The following HTR1F variants were observed in gnomAD, a reference collection of about 807,000 sequenced individuals.
The protein encoded by HTR1F is 5-hydroxytryptamine (serotonin) receptor 1F, G protein-coupled.
Under a neutral mutation model 24.0 loss-of-function variants are expected in HTR1F, and 17 were observed. The observed-to-expected ratio is 0.71, with a 90% CI of 0.48 to 1.06. HTR1F has a LOEUF of 1.06. HTR1F is among the 50% of genes least tolerant of loss of function. HTR1F has a pLI of 0.00. For synonymous variants in HTR1F, 186 were observed against 156.8 expected, an observed-to-expected ratio of 1.19 and a Z score of -1.39; for missense variants, 391 against 427.8, an observed-to-expected ratio of 0.91 and a Z score of 0.76.
intron 2 of HTR1F, among the ~76,000 whole-genome samples, chr3:87,852,339 T>A (rs920682877): frequency 1.9e-4 from 29 of 151,826 alleles, no homozygotes; most frequent in African/African-American, 7.0e-4. Flanking sequence ...TGTTCCTGTT[T>A]TAGAAAATCT....
At chr3:87,838,478 A>G (rs1462363190) in intron 2 of HTR1F, among the ~76,000 whole-genome samples, 9 of 152,084 alleles carry the variant, frequency 5.9e-5, no homozygotes, top group African/African-American at 1.9e-4. Flanking sequence ...AGCTACATGA[A>G]TCGAATAATA....
At chr3:87,934,055 G>T (rs751823390) in intron 2 of HTR1F, among the ~76,000 whole-genome samples, 2 of 152,080 alleles carry the variant, frequency 1.3e-5, no homozygotes, top group Non-Finnish European at 2.9e-5. Context: ...TATCTGGTTC[G>T]TCTTTGGCCC....
intron 2 of HTR1F, among the ~76,000 whole-genome samples, chr3:87,832,518 G>A (rs1704604014): frequency 6.6e-6 from 1 of 151,974 alleles, no homozygotes; most frequent in Admixed American, 6.6e-5. Context: ...AGTAGAGACG[G>A]GGTTTCACCC....
At chr3:87,919,668 A>G (rs1176184342) in intron 2 of HTR1F, among the ~76,000 whole-genome samples, 1 of 152,124 alleles carries the variant, frequency 6.6e-6, no homozygotes, top group Non-Finnish European at 1.5e-5. Flanking sequence ...CCACGATATG[A>G]TACCACCTTA....
intron 2 of HTR1F, among the ~76,000 whole-genome samples, chr3:87,940,463 G>C (rs368658124): frequency 6.6e-6 from 1 of 152,130 alleles, no homozygotes; most frequent in Non-Finnish European, 1.5e-5. Flanking sequence ...GGACCTCTTC[G>C]AAGAGAACCA....
At chr3:87,918,102 C>T (rs1474482138) in intron 2 of HTR1F, among the ~76,000 whole-genome samples, 1 of 151,544 alleles carries the variant, frequency 6.6e-6, no homozygotes, top group Non-Finnish European at 1.5e-5. Flanking sequence ...ACATAAACAG[C>T]ATTAAAAACA....
chr3:87,931,706 A>C (rs1704277319), intron 2 of HTR1F, among the ~76,000 whole-genome samples: 1 of 151,940 alleles, frequency 6.6e-6, no homozygotes, highest in South Asian at 2.1e-4. Flanking sequence ...CCTCTCCAGC[A>C]GCTGTTGTTT....
intron 2 of HTR1F, among the ~76,000 whole-genome samples, chr3:87,928,047 C>CTT (rs5850817): frequency 3.8e-5 from 5 of 131,396 alleles, no homozygotes; most frequent in South Asian, 2.4e-4. Flanking sequence ...AATATCTTTG[C>CTT]TTTTTTTTTT....
At position 87,944,333 on chromosome 3, in the gene HTR1F, G is replaced by C. The variant is rs1463322933; in HGVS notation, c.-42-46375G>C. Among the ~76,000 whole-genome samples, 13 of 152,240 alleles carry C rather than the reference G, an allele frequency of 8.5e-5. 1 individual carries two copies. The highest frequency in any genetic ancestry group is 1.9e-4 in the Non-Finnish European group (13 of 68,044). ...AGGTAACCTTTTGAGTCAGGATTGA[G>C]ATAGTCTTTTTTGATTCTGTAAGTA... On this transcript the variant is annotated intron_variant, in intron 2 of 2. Transcript: ENST00000319595.
intron 2 of HTR1F, among the ~76,000 whole-genome samples, chr3:87,878,207 A>C (rs1461386249): frequency 2.0e-5 from 3 of 152,196 alleles, no homozygotes; most frequent in Non-Finnish European, 4.4e-5. Context: ...CAGCTGAAAC[A>C]CATAAGGTGT....
intron 2 of HTR1F, among the ~76,000 whole-genome samples, chr3:87,969,131 C>T (rs1450980259): frequency 6.6e-6 from 1 of 152,208 alleles, no homozygotes; most frequent in African/African-American, 2.4e-5. Context: ...GGAATGAAGC[C>T]CTCATGAAGA....
intron 2 of HTR1F, among the ~76,000 whole-genome samples, chr3:87,849,521 G>T (rs888546533): frequency 6.6e-6 from 1 of 151,816 alleles, no homozygotes; most frequent in Non-Finnish European, 1.5e-5. Context: ...GAAAATCTAG[G>T]CAATACCATT....
At chr3:87,963,421 GCCTAAACATGAAGAA>G (rs1474763785) in intron 2 of HTR1F, among the ~76,000 whole-genome samples, 2 of 152,012 alleles carry the variant, frequency 1.3e-5, no homozygotes, top group African/African-American at 2.4e-5. Flanking sequence ...GTGCCTAATT[GCCTAAACATGAAGAA>G]CTTTTAAAAC....
intron 2 of HTR1F, among the ~76,000 whole-genome samples, chr3:87,929,628 C>T (rs1704212753): frequency 6.6e-6 from 1 of 152,070 alleles, no homozygotes. Context: ...AGACCTATTT[C>T]TGGGCTCTCT....
At chr3:87,875,457 G>GAAAA in intron 2 of HTR1F, among the ~76,000 whole-genome samples, 1 of 137,218 alleles carries the variant, frequency 7.3e-6, no homozygotes, top group Non-Finnish European at 1.6e-5. Context: ...CTCAAAAAAA[G>GAAAA]AAAAAAAAAA....
Position 87,895,780 on chromosome 3 carries a change from T to G in HTR1F, c.-43+73656T>G, listed in dbSNP as rs182762760. On this transcript the variant is annotated intron_variant, in intron 2 of 2. Transcript: ENST00000319595. ...AGCATTTATCATTTCTAGAAACTCC[T>G]TAAAATGAAGTTAAGACTTTGGTGA... Among the ~76,000 whole-genome samples the G allele has an allele frequency of 1.7e-3, 257 of 152,296 alleles. 1 individual carries two copies. Among genetic ancestry groups the G allele is most frequent in the Middle Eastern group, 3.4e-3 (1 of 294 alleles).
chr3:87,889,499 G>C (rs985093231), intron 2 of HTR1F, among the ~76,000 whole-genome samples: 36 of 151,968 alleles, frequency 2.4e-4, no homozygotes, highest in African/African-American at 7.5e-4. Context: ...TTTAAGCATA[G>C]AAAACATCTC....
Position 87,900,701 on chromosome 3 carries a change from T to C in HTR1F, c.-43+78577T>C, listed in dbSNP as rs574080937. Among the ~76,000 whole-genome samples the C allele has an allele frequency of 2.9e-3, 449 of 152,256 alleles. 5 individuals are homozygous for C. Among genetic ancestry groups the C allele is most frequent in the Non-Finnish European group, 4.4e-3 (299 of 68,026 alleles). On this transcript the variant is annotated intron_variant, in intron 2 of 2. Coordinates refer to ENST00000319595, the MANE Select transcript of HTR1F (RefSeq NM_001322209.2). ...AGTTAGAGCCAATAAAATTTGCTGA[T>C]GTGTTAAATACATAAGGCAAAAGAG...
chr3:87,925,367 C>A (rs759504508), intron 2 of HTR1F, among the ~76,000 whole-genome samples: 2 of 152,070 alleles, frequency 1.3e-5, no homozygotes, highest in Non-Finnish European at 2.9e-5. Context: ...TAGGGGATGT[C>A]TTCTCAGTTA....
Sources: allele counts gnomAD v4.1 joint callset (sites outside exome capture counted in the v4.1 genomes callset), GRCh38; gene constraint gnomAD v4.1.1; transcripts MANE v1.5; gene names NCBI Gene and HGNC (gene_info 2026-07-23, HGNC 2026-07-21).